Variants in SETD7 observed in about 807,000 individuals in gnomAD.
SETD7 encodes SET domain containing 7, histone lysine methyltransferase, also known as histone-lysine N-methyltransferase SETD7.
In SETD7, 16 loss-of-function variants were observed where a neutral mutation model predicts 41.8. That is an observed-to-expected ratio of 0.38 (90% CI 0.26 to 0.58). The LOEUF is 0.58. SETD7 is among the 20% of genes least tolerant of loss of function. The probability of loss-of-function intolerance (pLI) is 0.64; values close to 1 mark genes in which losing one functional copy is unlikely to be tolerated. For synonymous variants in SETD7, 163 were observed against 169.7 expected, an observed-to-expected ratio of 0.96 and a Z score of 0.31; for missense variants, 346 against 459.7, an observed-to-expected ratio of 0.75 and a Z score of 2.26.
chr4:139,519,746 C>T (rs1727127867), intron 6 of SETD7, among the ~76,000 whole-genome samples: 1 of 152,176 alleles, frequency 6.6e-6, no homozygotes, highest in African/African-American at 2.4e-5. Flanking sequence ...TAGGCAGACA[C>T]TTAGGGAAAT....
chr4:139,500,576 T>G (rs1038422030), intron 7 of SETD7, among the ~76,000 whole-genome samples: 4 of 152,218 alleles, frequency 2.6e-5, no homozygotes, highest in Non-Finnish European at 5.9e-5. Flanking sequence ...TGGTGCCACC[T>G]TGGCTCACTG....
intron 1 of SETD7, among the ~76,000 whole-genome samples, chr4:139,549,238 C>T (rs753463122): frequency 1.3e-5 from 2 of 152,072 alleles, no homozygotes; most frequent in African/African-American, 2.4e-5. Context: ...GTTTTAAAAG[C>T]TTATGTTTGA....
At chr4:139,503,842 C>T (rs1404794027), downstream of SETD7, among the ~76,000 whole-genome samples, 1 of 152,184 alleles carries the variant, frequency 6.6e-6, no homozygotes, top group Non-Finnish European at 1.5e-5. Flanking sequence ...ATATGCTTCA[C>T]TCAGATAATC....
intron 2 of SETD7, among the ~76,000 whole-genome samples, chr4:139,534,309 TTAAAATG>T (rs1459063064): frequency 6.6e-6 from 1 of 152,212 alleles, no homozygotes; most frequent in Non-Finnish European, 1.5e-5. Context: ...TTTTTAAAAT[TTAAAATG>T]TAAGAAAATT....
chr4:139,549,618 T>G (rs892507939), intron 1 of SETD7, among the ~76,000 whole-genome samples: 2 of 151,850 alleles, frequency 1.3e-5, no homozygotes, highest in Non-Finnish European at 2.9e-5. Flanking sequence ...CTTCCTTTAT[T>G]TTTTAGAGAC....
chr4:139,522,741 C>CTTTTTT (rs11357611), intron 5 of SETD7, among the ~76,000 whole-genome samples: 39 of 93,428 alleles, frequency 4.2e-4, no homozygotes, highest in African/African-American at 6.6e-4. Flanking sequence ...CCCAGCTGCT[C>CTTTTTT]TTTTTTTTTT....
At chr4:139,550,652 T>C (rs1728085484) in intron 1 of SETD7, among the ~76,000 whole-genome samples, 1 of 152,226 alleles carries the variant, frequency 6.6e-6, no homozygotes, top group African/African-American at 2.4e-5. Flanking sequence ...GAACAGAATC[T>C]GACATAACTT....
intron 2 of SETD7, among the ~76,000 whole-genome samples, chr4:139,543,493 C>T (rs1727835753): frequency 1.3e-5 from 2 of 152,286 alleles, no homozygotes; most frequent in Middle Eastern, 6.8e-3. Flanking sequence ...CCACACTGTT[C>T]CATCATGTGT....
In SETD7 at chr4:139,533,304, T is replaced by A. The variant is rs1167111980; in HGVS notation, c.233A>T (p.Asp78Val). 6.2e-7 allele frequency: 1 copy of A among 1,614,038 alleles called. No individual in the cohort carries two copies. The highest frequency in any genetic ancestry group is 8.5e-7 in the Non-Finnish European group (1 of 1,180,030). Residue 78 changes from aspartate (D) to valine (V), a missense_variant, in exon 3 of 8, where the codon GAT becomes GTT. Physicochemically the swap from Asp to Val is radical, Grantham distance 152. Coordinates refer to ENST00000274031, the MANE Select transcript of SETD7 (RefSeq NM_030648.4). ...LQGQGVYTYE[D>V]GGVLQGTYVD... ...ATACGTGCCCTGGAGAACTCCCCCA[T>A]CTTCGTAAGTGTAAACTCCCTGGCC... is the stretch of plus-strand genomic sequence containing the variant.
At position 139,506,883 on chromosome 4, in the gene SETD7, C is replaced by G. The variant is rs554311782; in HGVS notation, c.*4780G>C. The stretch of plus-strand genomic sequence containing the variant: ...CAGAGGAAGCAAGGATTTTTGTTAT[C>G]GGAGGACGTCTCTCTCTCTGGTTGG... On this transcript the variant is annotated 3_prime_UTR_variant, in exon 8 of 8. Coordinates refer to ENST00000274031, the MANE Select transcript of SETD7 (RefSeq NM_030648.4). The G allele has an allele frequency of 6.6e-6, 1 of 152,624 alleles. No homozygotes were observed. Among genetic ancestry groups the G allele is most frequent in the African/African-American group, 2.4e-5 (1 of 41,424 alleles). The allele number at this position is 152,624 out of a possible 1,614,324, so 9.5% of individuals were successfully genotyped here.
At position 139,533,185 on chromosome 4, in the gene SETD7, C is replaced by T; in HGVS notation, c.352G>A (p.Val118Met). 6.2e-7 allele frequency: 1 copy of T among 1,614,108 alleles called. No individual in the cohort carries two copies. Among genetic ancestry groups the T allele is most frequent in the Non-Finnish European group, 8.5e-7 (1 of 1,179,934 alleles). ...CTTACTGGGTAATATATCCAGCACACTCCATGACGAATGTTATCTTTATAC... is the reference window on the plus strand; with the variant it reads ...CTTACTGGGTAATATATCCAGCACATTCCATGACGAATGTTATCTTTATAC... ...GQYKDNIRHG[V>M]CWIYYPDGGS... Residue 118 changes from valine to methionine, a missense_variant, in exon 3 of 8, where the codon GTG becomes ATG. Coordinates refer to ENST00000274031, the MANE Select transcript of SETD7 (RefSeq NM_030648.4).
chr4:139,522,741 C>CTTTTTTTTTTTTTT (rs11357611), intron 5 of SETD7, among the ~76,000 whole-genome samples: 3 of 93,450 alleles, frequency 3.2e-5, no homozygotes, highest in African/African-American at 4.4e-5. Flanking sequence ...CCCAGCTGCT[C>CTTTTTTTTTTTTTT]TTTTTTTTTT....
chr4:139,525,026 A>T (rs1727286417), intron 4 of SETD7, among the ~76,000 whole-genome samples: 1 of 152,158 alleles, frequency 6.6e-6, no homozygotes, highest in African/African-American at 2.4e-5. Flanking sequence ...CCTGTTGGCC[A>T]GGCTGGTCTT....
downstream of SETD7, among the ~76,000 whole-genome samples, chr4:139,501,865 G>A (rs1302255311): frequency 1.3e-5 from 2 of 152,184 alleles, no homozygotes; most frequent in African/African-American, 2.4e-5. Flanking sequence ...AGTCAGGCCA[G>A]GCTTCCTGGG....
Position 139,509,039 on chromosome 4 carries a change from GA to G in SETD7, c.*2623del. On this transcript the variant is annotated 3_prime_UTR_variant, in exon 8 of 8. Coordinates refer to ENST00000274031, the MANE Select transcript of SETD7 (RefSeq NM_030648.4). ...AGCAAACAGAGAGGCACACACAGAG[GA>G]AAAGCCAGATGAGCAGAGTCCCAAA... 6.5e-6 allele frequency: 1 copy of G among 153,022 alleles called. No individual in the cohort carries two copies. The highest frequency in any genetic ancestry group is 6.5e-5 in the Admixed American group (1 of 15,284). The allele number at this position is 153,022 out of a possible 1,614,324, so 9.5% of individuals were successfully genotyped here. A position where few individuals can be genotyped will look rare whatever the true frequency, so the allele number is the denominator to read the frequency against.
chr4:139,546,783 T>A (rs1008906025), intron 2 of SETD7, 137 bp downstream of exon 2: 8 of 1,168,024 alleles, frequency 6.8e-6, no homozygotes, highest in Non-Finnish European at 9.9e-6. Flanking sequence ...ACCAAAGCAG[T>A]GCCTACAGGT....
At position 139,523,543 on chromosome 4, in the gene SETD7, A is replaced by C. The variant is rs976846772; in HGVS notation, c.563-108T>G. The C allele has an allele frequency of 5.7e-5, 39 of 688,208 alleles. 1 individual carries two copies. In the South Asian group the frequency reaches 7.9e-4, roughly 14 times the overall value. The allele number at this position is 688,208 out of a possible 1,614,324, so 42.6% of individuals were successfully genotyped here. On this transcript the variant is annotated intron_variant, in intron 4 of 7. Coordinates refer to ENST00000274031, the MANE Select transcript of SETD7 (RefSeq NM_030648.4). Reference sequence around the variant, plus strand: ...GAAGAGTTAAAAAACCAAAAATCTTAATCAAGTTATACCAACTAGAATGAA... The same window carrying C: ...GAAGAGTTAAAAAACCAAAAATCTTCATCAAGTTATACCAACTAGAATGAA...
At chr4:139,519,433 C>T (rs1727118763) in intron 6 of SETD7, among the ~76,000 whole-genome samples, 1 of 152,214 alleles carries the variant, frequency 6.6e-6, no homozygotes, top group South Asian at 2.1e-4. Flanking sequence ...CCCAAAGTCA[C>T]CCTTTGTATG....
At chr4:139,549,194 C>G (rs938356281) in intron 1 of SETD7, among the ~76,000 whole-genome samples, 3 of 152,194 alleles carry the variant, frequency 2.0e-5, no homozygotes, top group Non-Finnish European at 1.5e-5. Context: ...GTTGAAAATG[C>G]TTTCACCATA....
Sources: gnomAD v4.1 joint callset for allele counts (sites outside exome capture counted in the v4.1 genomes callset) on GRCh38, gnomAD v4.1.1 for gene constraint, MANE v1.5 for transcripts, NCBI Gene and HGNC (gene_info 2026-07-23, HGNC 2026-07-21) for gene names.